PIK3R4: variants seen among roughly 807,000 people sequenced by gnomAD.
The protein encoded by PIK3R4 is phosphoinositide 3-kinase regulatory subunit 4.
Under a neutral mutation model 136.5 loss-of-function variants are expected in PIK3R4, and 46 were observed. The ratio of observed to expected loss-of-function variants is 0.34; its 90% CI spans 0.27 to 0.43. The LOEUF is 0.43. Ranked by LOEUF, PIK3R4 falls within the 20% of genes least tolerant of loss-of-function variation. The probability of loss-of-function intolerance (pLI) is 1.00; values close to 1 mark genes in which losing one functional copy is unlikely to be tolerated. For missense variants in PIK3R4, 1,331 were observed against 1,649.5 expected, an observed-to-expected ratio of 0.81 and a Z score of 3.35; for synonymous variants, 557 against 566.7, an observed-to-expected ratio of 0.98 and a Z score of 0.24.
chr3:130,708,370 T>C lies in PIK3R4; in HGVS notation c.2454A>G (p.Val818=), dbSNP rs761801655. The C allele has an allele frequency of 6.2e-7, 1 of 1,613,798 alleles. No homozygotes were observed. Among genetic ancestry groups the C allele is most frequent in the Admixed American group, 1.7e-5 (1 of 60,010 alleles). Residue 818 remains valine (V), a synonymous_variant, in exon 10 of 20, where the codon GTA becomes GTG. Coordinates refer to ENST00000356763, the MANE Select transcript of PIK3R4 (RefSeq NM_014602.3). ...SHLHDSSQKG[V]IDLAALGITG... ...TTATGCCTAAAGCTGCCAAGTCAATTACACCTTTCTGACTACTATCATGAA... is the reference window on the plus strand; with the variant it reads ...TTATGCCTAAAGCTGCCAAGTCAATCACACCTTTCTGACTACTATCATGAA...
intron 7 of PIK3R4, among the ~76,000 whole-genome samples, chr3:130,719,859 G>A (rs1368967854): frequency 1.3e-5 from 2 of 151,984 alleles, no homozygotes; most frequent in African/African-American, 4.8e-5. Flanking sequence ...TCTGAAATGT[G>A]CTATATAGCT....
At chr3:130,710,939 A>G (rs552022579) in intron 9 of PIK3R4, among the ~76,000 whole-genome samples, 1 of 152,104 alleles carries the variant, frequency 6.6e-6, no homozygotes, top group East Asian at 1.9e-4. Context: ...TGTAAGAATC[A>G]AGGATAGCCA....
chr3:130,689,870 C>A (rs1229711669), intron 14 of PIK3R4, among the ~76,000 whole-genome samples: 2 of 152,218 alleles, frequency 1.3e-5, no homozygotes, highest in Non-Finnish European at 1.5e-5. Context: ...CAGTGTGTAA[C>A]ACATATTGGT....
chr3:130,713,698 A>T (rs2066644664), intron 9 of PIK3R4, among the ~76,000 whole-genome samples: 1 of 152,118 alleles, frequency 6.6e-6, no homozygotes, highest in Non-Finnish European at 1.5e-5. Flanking sequence ...CTTGAGATAG[A>T]GTCTTGCTCT....
intron 5 of PIK3R4, 151 bp downstream of exon 5, chr3:130,730,157 G>C: frequency 3.4e-6 from 2 of 585,168 alleles, no homozygotes; most frequent in Non-Finnish European, 5.8e-6. Context: ...TGAGGATAGA[G>C]AGAATAATTA....
chr3:130,710,031 A>C (rs2066625966), intron 9 of PIK3R4, among the ~76,000 whole-genome samples: 1 of 152,174 alleles, frequency 6.6e-6, no homozygotes, highest in Non-Finnish European at 1.5e-5. Flanking sequence ...ATTGTATCTC[A>C]ATAAAAAACA....
chr3:130,714,032 C>T lies in PIK3R4; in HGVS notation c.2331+2364G>A, dbSNP rs190571461. 2.2e-4 allele frequency among the ~76,000 whole-genome samples: 33 copies of T among 152,232 alleles called. No individual in the cohort carries two copies. The East Asian group carries it at 5.2e-3, about 24-fold the overall frequency. ...GTAGGGGAGACAGAAATAGTCACAACGGCCAAGGCTGAAGAAACACTTAGA... is the reference window on the plus strand; with the variant it reads ...GTAGGGGAGACAGAAATAGTCACAATGGCCAAGGCTGAAGAAACACTTAGA... On this transcript the variant is annotated intron_variant, in intron 9 of 19. Coordinates refer to ENST00000356763, the MANE Select transcript of PIK3R4 (RefSeq NM_014602.3).
Position 130,723,034 on chromosome 3 carries a change from G to C in PIK3R4, c.1981+380C>G, listed in dbSNP as rs1305913099. Among the ~76,000 whole-genome samples the C allele has an allele frequency of 4.5e-5, 5 of 110,000 alleles. No homozygotes were observed. The South Asian group carries it at 9.8e-4, about 22-fold the overall frequency. 72.2% of individuals were successfully genotyped at this position (110,000 alleles called of 152,430 possible). Reference sequence around the variant, plus strand: ...AGCCAAGATCACACACTGTACTCCAGCCTGGGTGACAGAGTGAGAGACTGT... The same window carrying C: ...AGCCAAGATCACACACTGTACTCCACCCTGGGTGACAGAGTGAGAGACTGT... On this transcript the variant is annotated intron_variant, in intron 7 of 19. Coordinates refer to ENST00000356763, the MANE Select transcript of PIK3R4 (RefSeq NM_014602.3).
chr3:130,697,365 G>T (rs146804405), intron 13 of PIK3R4, among the ~76,000 whole-genome samples: 1 of 152,100 alleles, frequency 6.6e-6, no homozygotes, highest in Non-Finnish European at 1.5e-5. Context: ...GAGCCACTGC[G>T]CATGGCCTAG....
intron 11 of PIK3R4, 26 bp from the exon 12 acceptor site, chr3:130,705,797 A>G (rs1188047901): frequency 1.4e-6 from 2 of 1,386,034 alleles, no homozygotes; most frequent in Non-Finnish European, 2.1e-6. Context: ...AATTCTAACT[A>G]TTTACGTCGT....
Position 130,692,733 on chromosome 3 carries a change from A to G in PIK3R4, c.3099-2079T>C, listed in dbSNP as rs79048769. ...ACAGGGGCCCCACAGGGGCCCAATC[A>G]GTACTGTAAATGAGTAAAGACAGCC... is the stretch of plus-strand genomic sequence containing the variant. On this transcript the variant is annotated intron_variant, in intron 13 of 19. Transcript: ENST00000356763. 2.0e-4 allele frequency among the ~76,000 whole-genome samples: 30 copies of G among 152,382 alleles called. No homozygotes were observed. In the East Asian group the frequency reaches 5.4e-3, roughly 27 times the overall value.
At chr3:130,730,834 G>A (rs2066756881) in intron 4 of PIK3R4, among the ~76,000 whole-genome samples, 1 of 151,984 alleles carries the variant, frequency 6.6e-6, no homozygotes, top group African/African-American at 2.4e-5. Context: ...GCTAAGCTTT[G>A]GCATCAGAAA....
At chr3:130,732,676 A>C (rs1272766141) in intron 4 of PIK3R4, among the ~76,000 whole-genome samples, 1 of 152,138 alleles carries the variant, frequency 6.6e-6, no homozygotes, top group Admixed American at 6.5e-5. Flanking sequence ...ACACGTAACA[A>C]TCACCAATCA....
intron 2 of PIK3R4, 90 bp downstream of exon 2, chr3:130,744,396 A>T: frequency 7.2e-7 from 1 of 1,382,200 alleles, no homozygotes; most frequent in Non-Finnish European, 9.8e-7. Flanking sequence ...TTAACTTTTC[A>T]ATATCTGGTG....
rs1172779170 is a variant in PIK3R4, at chr3:130,733,989, G to T, written c.1009C>A (p.Leu337Ile). The T allele has an allele frequency of 2.5e-6, 4 of 1,614,166 alleles. No individual in the cohort carries two copies. The South Asian group carries it at 3.3e-5, about 13-fold the overall frequency. The change falls in exon 4 of 20, where the codon CTT becomes ATT. Residue 337 changes from leucine (L) to isoleucine (I), a missense_variant. Physicochemically the swap from Leu to Ile is conservative, Grantham distance 5. This residue lies in a region of PIK3R4 where 1,180 missense variants were observed against 1,407.0 expected (regional missense o/e 0.84). Transcript: ENST00000356763. ...ACCAGAATACGCTCATCTGCAGAAA[G>T]AAACGTTTCCTTGGCAAACTGGGCC... ...YMAQFAKETF[L>I]SADERILVIR... is the part of the protein sequence containing the mutation.
chr3:130,726,886 C>T (rs2066734889), intron 6 of PIK3R4, among the ~76,000 whole-genome samples: 1 of 151,236 alleles, frequency 6.6e-6, no homozygotes, highest in Admixed American at 6.6e-5. Flanking sequence ...AAGAAGAGAG[C>T]AAGCAAGACA....
At chr3:130,737,582 C>T (rs1001039920) in intron 2 of PIK3R4, among the ~76,000 whole-genome samples, 1 of 152,100 alleles carries the variant, frequency 6.6e-6, no homozygotes, top group Non-Finnish European at 1.5e-5. Flanking sequence ...ATCGCTTGAA[C>T]CTGGGAGGCA....
chr3:130,687,801 T>A (rs1049219188), intron 14 of PIK3R4, among the ~76,000 whole-genome samples: 45 of 152,192 alleles, frequency 3.0e-4, no homozygotes, highest in African/African-American at 9.6e-4. Context: ...TGTACTTTTT[T>A]AAATACTTCC....
intron 9 of PIK3R4, among the ~76,000 whole-genome samples, chr3:130,711,018 G>T (rs924333091): frequency 7.6e-6 from 1 of 131,454 alleles, no homozygotes; most frequent in Non-Finnish European, 1.7e-5. Context: ...GAAAAGGAAA[G>T]AAAAAAAAAA....
Sources: allele counts gnomAD v4.1 joint callset (sites outside exome capture counted in the v4.1 genomes callset), GRCh38; gene constraint gnomAD v4.1.1; regional missense constraint gnomAD v4.1.1; transcripts MANE v1.5; gene names NCBI Gene and HGNC (gene_info 2026-07-23, HGNC 2026-07-21).